MTMR2: variants seen among roughly 807,000 people sequenced by gnomAD.
MTMR2 encodes the protein phosphatidylinositol-3,5-bisphosphate 3-phosphatase MTMR2.
In MTMR2, 55 loss-of-function variants were observed where a neutral mutation model predicts 86.9. The observed-to-expected ratio is 0.63, with a 90% CI of 0.51 to 0.79. The LOEUF (loss-of-function observed/expected upper bound fraction) is 0.79. Ranked by LOEUF, MTMR2 falls within the 30% of genes least tolerant of loss-of-function variation. MTMR2 has a pLI of 0.00. For synonymous variants in MTMR2, 241 were observed against 266.8 expected (o/e 0.90, Z 0.94); for missense variants, 659 against 772.3 (o/e 0.85, Z 1.74).
intron 9 of MTMR2, among the ~76,000 whole-genome samples, chr11:95,848,823 T>G (rs1374960453): frequency 6.6e-6 from 1 of 152,138 alleles, no homozygotes; most frequent in Non-Finnish European, 1.5e-5. Context: ...TTGGCACAAT[T>G]ATAGAATTTA....
At chr11:95,874,450 G>T (rs1865020172) in intron 2 of MTMR2, among the ~76,000 whole-genome samples, 1 of 152,016 alleles carries the variant, frequency 6.6e-6, no homozygotes. Flanking sequence ...TTGCTTGGTA[G>T]ATCTTCCTCC....
chr11:95,837,110 T>G (rs542162059), intron 13 of MTMR2, among the ~76,000 whole-genome samples: 1 of 152,018 alleles, frequency 6.6e-6, no homozygotes, highest in Non-Finnish European at 1.5e-5. Flanking sequence ...TTCCTTAAGT[T>G]GTTGAGTGCC....
intron 3 of MTMR2, among the ~76,000 whole-genome samples, chr11:95,863,981 C>T (rs1228625084): frequency 1.3e-5 from 2 of 152,056 alleles, no homozygotes; most frequent in Non-Finnish European, 2.9e-5. Flanking sequence ...CAGTCTAGTA[C>T]GACAACCAGA....
intron 1 of MTMR2, among the ~76,000 whole-genome samples, chr11:95,905,067 A>G (rs996153128): frequency 2.2e-4 from 33 of 152,060 alleles, no homozygotes; most frequent in Non-Finnish European, 1.3e-4. Flanking sequence ...TCCTTGAAAC[A>G]CTTTCCACAC....
At position 95,835,305 on chromosome 11, in the gene MTMR2, GA is replaced by G. The variant is rs779740723; in HGVS notation, c.1916del (p.Val639AlafsTer9). 6.2e-7 allele frequency: 1 copy of G among 1,612,834 alleles called. No individual in the cohort carries two copies. The highest frequency in any genetic ancestry group is 8.5e-7 in the Non-Finnish European group (1 of 1,179,172). On this transcript the variant is annotated frameshift_variant, in exon 15 of 15. Transcript: ENST00000346299. LOFTEE classifies it high-confidence loss of function. ...TTACAGTCCTTTATACAACAGTTTG[GA>G]CAGGAGTGACACACTGTGCAGGAGA... is the stretch of plus-strand genomic sequence containing the variant. ...ASSPAQCVTP[V>X]QTVV
chr11:95,861,865 C>A (rs1293913517), intron 5 of MTMR2, 127 bp downstream of exon 5: 2 of 771,876 alleles, frequency 2.6e-6, no homozygotes, highest in Non-Finnish European at 4.3e-6. Flanking sequence ...CTATCAATGT[C>A]ATACTAAAAT....
intron 13 of MTMR2, among the ~76,000 whole-genome samples, chr11:95,836,537 C>T (rs1863295453): frequency 6.6e-6 from 1 of 151,830 alleles, no homozygotes; most frequent in Non-Finnish European, 1.5e-5. Flanking sequence ...CCAACAATTC[C>T]ACTCTTGTAC....
chr11:95,878,024 T>C (rs1010545241), intron 2 of MTMR2, among the ~76,000 whole-genome samples: 1 of 151,372 alleles, frequency 6.6e-6, no homozygotes, highest in Non-Finnish European at 1.5e-5. Context: ...TTTTCATAAC[T>C]ATGAAAACTT....
At chr11:95,860,747 A>C (rs1422234020) in intron 5 of MTMR2, among the ~76,000 whole-genome samples, 1 of 152,202 alleles carries the variant, frequency 6.6e-6, no homozygotes. Context: ...CTATGACTTA[A>C]TGGTAAAAAT....
At chr11:95,923,608 T>C in intron 1 of MTMR2, 1 of 1,274,764 alleles carries the variant, frequency 7.8e-7, no homozygotes, top group South Asian at 1.8e-5. Flanking sequence ...AGAAAGTAAT[T>C]AACTGGGACC....
intron 2 of MTMR2, among the ~76,000 whole-genome samples, chr11:95,867,651 C>T (rs762921147): frequency 1.3e-5 from 2 of 152,044 alleles, no homozygotes; most frequent in Admixed American, 1.3e-4. Flanking sequence ...TGTATATAAA[C>T]AACTAATTCT....
chr11:95,897,354 C>A (rs1865915452), intron 1 of MTMR2, among the ~76,000 whole-genome samples: 1 of 151,964 alleles, frequency 6.6e-6, no homozygotes, highest in South Asian at 2.1e-4. Flanking sequence ...GCTAAAATAG[C>A]TTCATATTTG....
At chr11:95,865,789 C>T in intron 2 of MTMR2, 113 bp from the exon 3 acceptor site, 2 of 825,752 alleles carry the variant, frequency 2.4e-6, no homozygotes, top group Admixed American at 2.1e-5. Context: ...ATCACATACA[C>T]TATTTTAAAT....
At chr11:95,913,344 T>C (rs1159648607) in intron 1 of MTMR2, among the ~76,000 whole-genome samples, 1 of 152,156 alleles carries the variant, frequency 6.6e-6, no homozygotes, top group Non-Finnish European at 1.5e-5. Flanking sequence ...AACCACAACC[T>C]TTCCTGGCCC....
intron 2 of MTMR2, among the ~76,000 whole-genome samples, chr11:95,878,473 G>A (rs1249322866): frequency 6.6e-6 from 1 of 151,844 alleles, no homozygotes; most frequent in South Asian, 2.1e-4. Flanking sequence ...TATCAGTATC[G>A]TTTCATCAGT....
At chr11:95,892,928 T>C (rs1341382152) in intron 1 of MTMR2, among the ~76,000 whole-genome samples, 2 of 152,176 alleles carry the variant, frequency 1.3e-5, no homozygotes, top group Non-Finnish European at 2.9e-5. Context: ...TTTTCCCACA[T>C]GTAACAACGC....
chr11:95,894,714 A>G (rs1433266206), intron 1 of MTMR2, among the ~76,000 whole-genome samples: 1 of 152,192 alleles, frequency 6.6e-6, no homozygotes, highest in Non-Finnish European at 1.5e-5. Context: ...GAAATTTTGA[A>G]GAAAAAGAAC....
chr11:95,867,196 G>A (rs1053952502), intron 2 of MTMR2, among the ~76,000 whole-genome samples: 7 of 152,126 alleles, frequency 4.6e-5, no homozygotes, highest in Middle Eastern at 6.8e-3. Flanking sequence ...TTCTTTCCCC[G>A]GTCTACCACC....
intron 11 of MTMR2, 110 bp from the exon 12 acceptor site, chr11:95,841,819 GGT>G (rs1863560889): frequency 5.8e-6 from 5 of 857,542 alleles, no homozygotes; most frequent in Non-Finnish European, 7.6e-6. Context: ...TTCAAAGTCG[GGT>G]GCTGTGGTTT....
Sources: allele counts gnomAD v4.1 joint callset (sites outside exome capture counted in the v4.1 genomes callset), GRCh38; gene constraint gnomAD v4.1.1; transcripts MANE v1.5; gene names NCBI Gene and HGNC (gene_info 2026-07-23, HGNC 2026-07-21).